Variants in SAMMSON observed in about 807,000 individuals in gnomAD.
SAMMSON encodes survival associated mitochondrial melanoma specific oncogenic non-coding RNA, also known as long intergenic non-protein coding RNA 1212.
intron 3 of SAMMSON, among the ~76,000 whole-genome samples, chr3:70,049,055 G>C (rs2067136813): frequency 6.6e-6 from 1 of 152,114 alleles, no homozygotes; most frequent in Admixed American, 6.6e-5. Flanking sequence ...AGATCAAAGA[G>C]ACATAACTCC....
chr3:70,371,703 A>C (rs1347239163), intron 9 of SAMMSON, among the ~76,000 whole-genome samples: 1 of 152,112 alleles, frequency 6.6e-6, no homozygotes, highest in Non-Finnish European at 1.5e-5. Flanking sequence ...AACCTTAATA[A>C]ATTCATTTAT....
intron 8 of SAMMSON, among the ~76,000 whole-genome samples, chr3:70,354,680 G>A (rs561308973): frequency 6.6e-6 from 1 of 152,302 alleles, no homozygotes; most frequent in East Asian, 1.9e-4. Flanking sequence ...CCCACATGCT[G>A]CCTCTAGCTG....
intron 7 of SAMMSON, among the ~76,000 whole-genome samples, chr3:70,334,571 T>C (rs1283774174): frequency 2.0e-5 from 3 of 152,098 alleles, no homozygotes; most frequent in Non-Finnish European, 2.9e-5. Flanking sequence ...CTTTAATATG[T>C]AATTATTATA....
intron 7 of SAMMSON, among the ~76,000 whole-genome samples, chr3:70,332,308 T>C (rs1383578205): frequency 1.3e-5 from 2 of 152,184 alleles, no homozygotes; most frequent in Non-Finnish European, 2.9e-5. Context: ...GCAGGATTAG[T>C]TCACGATGTT....
intron 6 of SAMMSON, among the ~76,000 whole-genome samples, chr3:70,261,549 A>G (rs962559153): frequency 3.3e-5 from 5 of 152,078 alleles, no homozygotes; most frequent in African/African-American, 1.2e-4. Flanking sequence ...CTTCCATATC[A>G]TTGCTAGTTC....
chr3:70,004,738 C>G (rs1046860887), intron 1 of SAMMSON, among the ~76,000 whole-genome samples: 2 of 152,168 alleles, frequency 1.3e-5, no homozygotes, highest in Non-Finnish European at 2.9e-5. Flanking sequence ...AAAACAAATA[C>G]TAACACCACA....
chr3:70,402,943 T>C (rs1479091181), intron 2 of SAMMSON, among the ~76,000 whole-genome samples: 1 of 151,980 alleles, frequency 6.6e-6, no homozygotes. Context: ...ATATATATTA[T>C]ATATATATCA....
intron 4 of SAMMSON, among the ~76,000 whole-genome samples, chr3:70,222,265 G>A (rs910839019): frequency 6.6e-6 from 1 of 152,170 alleles, no homozygotes; most frequent in Non-Finnish European, 1.5e-5. Context: ...GGCAACTGGA[G>A]ATGAAGACTC....
At position 70,134,581 on chromosome 3, in the gene SAMMSON, A is replaced by G. The variant is rs1576131177; in HGVS notation, n.507+63016A>G. Among the ~76,000 whole-genome samples the G allele has an allele frequency of 5.9e-5, 9 of 152,290 alleles. 1 individual carries two copies. The South Asian group carries it at 1.9e-3, about 32-fold the overall frequency. ...ACTTGCATGCTTTACATAGAAGCAT[A>G]GTTATATTTAGCTTAAGACACAACT... is the stretch of plus-strand genomic sequence containing the variant. On this transcript the variant is annotated intron_variant and non_coding_transcript_variant, in intron 4 of 9. Transcript: ENST00000642114.
chr3:70,254,799 A>G (rs1205412325), intron 6 of SAMMSON, among the ~76,000 whole-genome samples: 5 of 152,194 alleles, frequency 3.3e-5, no homozygotes, highest in Non-Finnish European at 7.4e-5. Context: ...CTTCTTGTGC[A>G]TTCTTCTATA....
intron 4 of SAMMSON, among the ~76,000 whole-genome samples, chr3:70,198,957 G>C (rs72941574): frequency 6.6e-6 from 1 of 152,116 alleles, no homozygotes; most frequent in African/African-American, 2.4e-5. Context: ...AAAGATGAGG[G>C]ACATACAACC....
At chr3:70,315,051 T>G (rs1270284490) in intron 7 of SAMMSON, among the ~76,000 whole-genome samples, 1 of 152,206 alleles carries the variant, frequency 6.6e-6, no homozygotes, top group Non-Finnish European at 1.5e-5. Context: ...TGCTTTCCAC[T>G]TGCCTGACTT....
At chr3:70,180,526 T>TGAAACCC in intron 4 of SAMMSON, among the ~76,000 whole-genome samples, 2 of 152,234 alleles carry the variant, frequency 1.3e-5, no homozygotes, top group Non-Finnish European at 2.9e-5. Context: ...AACAGAAACC[T>TGAAACCC]AAGAACTGAA....
intron 6 of SAMMSON, among the ~76,000 whole-genome samples, chr3:70,268,112 T>C (rs1305820133): frequency 2.6e-5 from 4 of 151,600 alleles, no homozygotes; most frequent in Non-Finnish European, 4.4e-5. Context: ...CACTGCAAAA[T>C]TGGGCAGAAG....
intron 3 of SAMMSON, among the ~76,000 whole-genome samples, chr3:70,055,036 C>A (rs2107590265): frequency 6.6e-6 from 1 of 152,116 alleles, no homozygotes; most frequent in Non-Finnish European, 1.5e-5. Context: ...TTGGTGTGAT[C>A]TTGATCTTGA....
At chr3:70,307,050 A>G (rs910944962) in intron 7 of SAMMSON, among the ~76,000 whole-genome samples, 2 of 152,284 alleles carry the variant, frequency 1.3e-5, no homozygotes, top group East Asian at 1.9e-4. Context: ...AGCAATGTTT[A>G]TGGAAAACCA....
chr3:70,282,047 T>C (rs1702089601), intron 6 of SAMMSON, among the ~76,000 whole-genome samples: 1 of 152,138 alleles, frequency 6.6e-6, no homozygotes, highest in Non-Finnish European at 1.5e-5. Flanking sequence ...CTTTGCTTGT[T>C]GCATATAAAG....
At chr3:70,127,073 G>T (rs1225351151) in intron 4 of SAMMSON, 1 of 152,156 alleles carries the variant, frequency 6.6e-6, no homozygotes, top group Non-Finnish European at 1.5e-5. Context: ...TCCAAGATGG[G>T]TAGCATATAT....
At chr3:70,284,002 G>A (rs1410548632) in intron 6 of SAMMSON, among the ~76,000 whole-genome samples, 1 of 152,016 alleles carries the variant, frequency 6.6e-6, no homozygotes, top group African/African-American at 2.4e-5. Context: ...TACAGAAGGG[G>A]TTTCCATGCC....
Sources: allele counts gnomAD v4.1 joint callset (sites outside exome capture counted in the v4.1 genomes callset), GRCh38; gene constraint gnomAD v4.1.1; transcripts MANE v1.5; gene names NCBI Gene and HGNC (gene_info 2026-07-23, HGNC 2026-07-21).